The following PLEKHG4B variants were observed in gnomAD, a reference collection of about 807,000 sequenced individuals.
PLEKHG4B encodes pleckstrin homology domain-containing family G member 4B.
In PLEKHG4B, 111 loss-of-function variants were observed where a neutral mutation model predicts 121.3. The ratio of observed to expected loss-of-function variants is 0.92; its 90% CI spans 0.78 to 1.07. The LOEUF is 1.07. Ranked by LOEUF, PLEKHG4B falls within the 50% of genes least tolerant of loss-of-function variation. The pLI is 0.00. For synonymous variants in PLEKHG4B, 738 were observed against 725.0 expected (o/e 1.02, Z -0.29); for missense variants, 1,831 against 1,757.8 (o/e 1.04, Z -0.74).
intron 14 of PLEKHG4B, 91 bp from the exon 15 acceptor site, chr5:170,952 G>T: frequency 2.0e-6 from 2 of 1,012,602 alleles, no homozygotes; most frequent in Non-Finnish European, 3.0e-6. Context: ...TCTTGGGACG[G>T]GAGCAGTTCC....
intron 2 of PLEKHG4B, among the ~76,000 whole-genome samples, chr5:120,034 C>T (rs1734422923): frequency 6.6e-6 from 1 of 152,106 alleles, no homozygotes; most frequent in South Asian, 2.1e-4. Flanking sequence ...ATCGCTTGAG[C>T]CCAGGAGTTC....
rs779144188 is a variant in PLEKHG4B, at chr5:184,292, A to C, written c.*1969A>C. The C allele has an allele frequency of 1.3e-5, 2 of 152,244 alleles. No individual in the cohort carries two copies. The highest frequency in any genetic ancestry group is 2.9e-5 in the Non-Finnish European group (2 of 68,050). 9.4% of individuals were successfully genotyped at this position (152,244 alleles called of 1,614,324 possible). On this transcript the variant is annotated 3_prime_UTR_variant, in exon 20 of 20. Transcript: ENST00000637938. ...CACAAGAGATACGAGTGCACATCAT[A>C]ATCAAATTGCATATAACCAGTGATA...
intron 2 of PLEKHG4B, among the ~76,000 whole-genome samples, chr5:136,671 C>G (rs796637315): frequency 5.2e-4 from 79 of 152,250 alleles, no homozygotes; most frequent in African/African-American, 1.7e-3. Context: ...AAGGAAAACA[C>G]CATTAATAGG....
At chr5:105,882 G>A (rs116377138) in intron 1 of PLEKHG4B, among the ~76,000 whole-genome samples, 6,572 of 152,280 alleles carry the variant, frequency 0.043, 208 homozygotes, top group Non-Finnish European at 0.058. Flanking sequence ...AGCTGGGGGG[G>A]CCCATGAGCC....
chr5:134,777 A>AG (rs1553984986), intron 2 of PLEKHG4B, among the ~76,000 whole-genome samples: 1 of 147,308 alleles, frequency 6.8e-6, no homozygotes, highest in Non-Finnish European at 1.5e-5. Context: ...AAAAAAAAAA[A>AG]AAAAGAAAAG....
Position 171,205 on chromosome 5 carries a change from C to T in PLEKHG4B, c.3820-9C>T, listed in dbSNP as rs377127468. ...GGCCGGAGCTGACCCTCTCACCCGG[C>T]CCTTGCAGGACAAGCAGCGGGAGCT... On this transcript the variant is annotated splice_polypyrimidine_tract_variant and intron_variant, in intron 15 of 19. Coordinates refer to ENST00000637938, the MANE Select transcript of PLEKHG4B (RefSeq NM_052909.5). The T allele has an allele frequency of 9.8e-5, 157 of 1,603,216 alleles. 1 individual carries two copies. The highest frequency in any genetic ancestry group is 2.6e-5 in the Non-Finnish European group (31 of 1,172,752).
rs1330305743 is a variant in PLEKHG4B, at chr5:155,820, C to T, written c.2209-251C>T. ...GTGAGTGAGGTCTGCATGTCTGTCCCTGGTCTAAATGGCAGGTTCACCTCC... is the reference window on the plus strand; with the variant it reads ...GTGAGTGAGGTCTGCATGTCTGTCCTTGGTCTAAATGGCAGGTTCACCTCC... On this transcript the variant is annotated intron_variant, in intron 9 of 19. Coordinates refer to ENST00000637938, the MANE Select transcript of PLEKHG4B (RefSeq NM_052909.5). 3.3e-5 allele frequency among the ~76,000 whole-genome samples: 5 copies of T among 152,138 alleles called. No individual in the cohort carries two copies. In the South Asian group the frequency reaches 1.0e-3, roughly 31 times the overall value.
At chr5:148,989 A>G (rs1735517592) in intron 6 of PLEKHG4B, among the ~76,000 whole-genome samples, 1 of 152,240 alleles carries the variant, frequency 6.6e-6, no homozygotes, top group African/African-American at 2.4e-5. Context: ...TTTTTTAACA[A>G]ATGGTGCTTA....
intron 5 of PLEKHG4B, 25 bp downstream of exon 5, chr5:143,528 C>A (rs181240101): frequency 6.2e-7 from 1 of 1,608,748 alleles, no homozygotes; most frequent in Non-Finnish European, 8.5e-7. Flanking sequence ...AAGGCCGCAC[C>A]CTGCAGACCC....
At chr5:129,673 G>C (rs1192383662) in intron 2 of PLEKHG4B, among the ~76,000 whole-genome samples, 1 of 152,172 alleles carries the variant, frequency 6.6e-6, no homozygotes, top group Non-Finnish European at 1.5e-5. Context: ...GGGTCAATGA[G>C]AGCTACGAAG....
intron 2 of PLEKHG4B, among the ~76,000 whole-genome samples, chr5:117,374 A>G (rs1734335442): frequency 6.6e-6 from 1 of 152,180 alleles, no homozygotes. Flanking sequence ...CATTATTAAT[A>G]ATATTAATAT....
At chr5:180,012 C>T (rs935706930) in intron 18 of PLEKHG4B, among the ~76,000 whole-genome samples, 10 of 152,200 alleles carry the variant, frequency 6.6e-5, no homozygotes, top group Admixed American at 1.3e-4. Context: ...GTTACCTCCA[C>T]GGCCTGTCTG....
At chr5:161,233 C>G (rs1175655412) in intron 11 of PLEKHG4B, among the ~76,000 whole-genome samples, 1 of 152,262 alleles carries the variant, frequency 6.6e-6, no homozygotes, top group Non-Finnish European at 1.5e-5. Flanking sequence ...AGGGGCTCCC[C>G]CATCTTTCCC....
At chr5:109,251 G>A (rs901731462) in intron 1 of PLEKHG4B, among the ~76,000 whole-genome samples, 5 of 151,994 alleles carry the variant, frequency 3.3e-5, no homozygotes, top group South Asian at 2.1e-4. Context: ...TTAGCCAGGC[G>A]CGGTTAGTGG....
intron 1 of PLEKHG4B, among the ~76,000 whole-genome samples, chr5:111,278 C>T (rs1337892715): frequency 2.6e-5 from 4 of 152,258 alleles, no homozygotes; most frequent in Non-Finnish European, 5.9e-5. Context: ...TCTCAGTCTG[C>T]AGGCAGCTTC....
At position 157,605 on chromosome 5, in the gene PLEKHG4B, G is replaced by A. The variant is rs763526631; in HGVS notation, c.2487+694G>A. On this transcript the variant is annotated intron_variant, in intron 11 of 19. Coordinates refer to ENST00000637938, the MANE Select transcript of PLEKHG4B (RefSeq NM_052909.5). The surrounding 1 kb of genome is among the most constrained non-coding windows in gnomAD (Gnocchi z 4.6). ...TGGCTCTGAAATGATTGCTTAGCTC[G>A]GGGGGCACCAGCGAAATGATTGCTT... Among the ~76,000 whole-genome samples, 13 of 152,028 alleles carry A rather than the reference G, an allele frequency of 8.6e-5. No individual in the cohort carries two copies. Among genetic ancestry groups the A allele is most frequent in the East Asian group, 1.9e-4 (1 of 5,196 alleles).
chr5:142,865 G>A (rs577876682), intron 3 of PLEKHG4B, among the ~76,000 whole-genome samples, 182 bp from the exon 4 acceptor site: 2 of 152,340 alleles, frequency 1.3e-5, no homozygotes, highest in African/African-American at 4.8e-5. Context: ...CCGTGATGAC[G>A]CCGCATGCCC....
chr5:113,543 G>A lies in PLEKHG4B; in HGVS notation c.243+95G>A, dbSNP rs1734219756. The stretch of plus-strand genomic sequence containing the variant: ...CAGGAATTGGGCCCATCAGGGCACT[G>A]GCTCAGTTCTTTCCTCTGGCTTCTG... On this transcript the variant is annotated intron_variant, in intron 2 of 19. Transcript: ENST00000637938. The surrounding 1 kb of genome is among the most constrained non-coding windows in gnomAD (Gnocchi z 5.2). The A allele has an allele frequency of 5.0e-6, 2 of 398,408 alleles. No individual in the cohort carries two copies. Among genetic ancestry groups the A allele is most frequent in the African/African-American group, 4.1e-5 (2 of 48,734 alleles). The allele number at this position is 398,408 out of a possible 1,614,324, so 24.7% of individuals were successfully genotyped here.
chr5:151,655 C>T (rs1046564081), intron 7 of PLEKHG4B, 56 bp downstream of exon 7: 2 of 1,162,448 alleles, frequency 1.7e-6, no homozygotes, highest in South Asian at 2.8e-5. Flanking sequence ...CATTAAGGCA[C>T]CTAGATGAGA....
Sources: allele counts gnomAD v4.1 joint callset (sites outside exome capture counted in the v4.1 genomes callset), GRCh38; gene constraint gnomAD v4.1.1; non-coding constraint Gnocchi (gnomAD v3.1); transcripts MANE v1.5; gene names NCBI Gene and HGNC (gene_info 2026-07-23, HGNC 2026-07-21).